The following PLA2G3 variants were observed in gnomAD, a reference collection of about 807,000 sequenced individuals.
The protein encoded by PLA2G3 is phospholipase A2 group III, also known as group 3 secretory phospholipase A2.
Under a neutral mutation model 51.3 loss-of-function variants are expected in PLA2G3, and 39 were observed. That is an observed-to-expected ratio of 0.76 (90% CI 0.59 to 0.99). The LOEUF (loss-of-function observed/expected upper bound fraction) is 0.99, where lower values mean the gene tolerates loss of function less well. PLA2G3 is among the 50% of genes least tolerant of loss of function. PLA2G3 has a pLI of 0.00. For missense variants in PLA2G3, 677 were observed against 662.1 expected (o/e 1.02, Z -0.25); for synonymous variants, 293 against 263.1 (o/e 1.11, Z -1.10).
At position 31,140,113 on chromosome 22, in the gene PLA2G3, G is replaced by A; in HGVS notation, c.242C>T (p.Ala81Val). Residue 81 changes from alanine (A) to valine (V), a missense_variant, in exon 1 of 7, where the codon GCA becomes GTA. Transcript: ENST00000215885. ...CSWEDEPELTAAYGALCAHET... is the reference protein window; with the variant it reads ...CSWEDEPELTVAYGALCAHET... ...ATGAGCACAGAGAGCACCGTAGGCTGCGGTGAGCTCCGGCTCATCCTCCCA... is the reference window on the plus strand; with the variant it reads ...ATGAGCACAGAGAGCACCGTAGGCTACGGTGAGCTCCGGCTCATCCTCCCA... 1 of 1,613,194 alleles carries A rather than the reference G, an allele frequency of 6.2e-7. No individual in the cohort carries two copies. The highest frequency in any genetic ancestry group is 8.5e-7 in the Non-Finnish European group (1 of 1,180,000).
In PLA2G3 at chr22:31,140,433, G is replaced by T; in HGVS notation, c.-79C>A. 1.3e-6 allele frequency: 2 copies of T among 1,494,208 alleles called. No homozygotes were observed. Among genetic ancestry groups the T allele is most frequent in the East Asian group, 2.3e-5 (1 of 43,980 alleles). 92.6% of individuals were successfully genotyped at this position (1,494,208 alleles called of 1,614,324 possible). On this transcript the variant is annotated 5_prime_UTR_variant, in exon 1 of 7. In the 5' UTR this introduces an upstream ATG that the reference lacks. Transcript: ENST00000215885. Reference sequence around the variant, plus strand: ...GGCCCCACCAGGCGGCAGCTGAGCAGTGGAACGGAAGCGGAGCCCAGCAGG... The same window carrying T: ...GGCCCCACCAGGCGGCAGCTGAGCATTGGAACGGAAGCGGAGCCCAGCAGG...
At chr22:31,138,221 T>G (rs1922699703) in intron 3 of PLA2G3, 55 bp downstream of exon 3, 1 of 1,588,462 alleles carries the variant, frequency 6.3e-7, no homozygotes. Flanking sequence ...TCACCAGGCT[T>G]GGAGCCTGGG....
At position 31,135,944 on chromosome 22, in the gene PLA2G3, G is replaced by T; in HGVS notation, c.1317-8C>A. The T allele has an allele frequency of 6.2e-7, 1 of 1,610,028 alleles. No individual in the cohort carries two copies. The highest frequency in any genetic ancestry group is 8.5e-7 in the Non-Finnish European group (1 of 1,177,474). ...CTAGGGTCTCTGGAACAGCTGTAAG[G>T]AGAGAAGAGTGGGGCAGATGATCAG... On this transcript the variant is annotated splice_polypyrimidine_tract_variant and splice_region_variant and intron_variant, in intron 6 of 6. Coordinates refer to ENST00000215885, the MANE Select transcript of PLA2G3 (RefSeq NM_015715.5).
intron 3 of PLA2G3, 124 bp downstream of exon 3, chr22:31,138,152 A>C (rs578238953): frequency 2.3e-4 from 318 of 1,369,202 alleles, no homozygotes; most frequent in Non-Finnish European, 3.0e-4. Context: ...GGCCCTCAGG[A>C]GAGGACATGC....
chr22:31,137,937 T>C lies in PLA2G3; in HGVS notation c.839A>G (p.Asn280Ser), dbSNP rs1602754289. 1 of 1,610,424 alleles carries C rather than the reference T, an allele frequency of 6.2e-7. No homozygotes were observed. Among genetic ancestry groups the C allele is most frequent in the South Asian group, 1.1e-5 (1 of 90,610 alleles). Residue 280 changes from asparagine to serine, a missense_variant, in exon 4 of 7, where the codon AAT becomes AGT. Transcript: ENST00000215885. ...GGTGGCCCGGGAGCTCCAGGAGGCA[T>C]TGTAGAAGGTCCTGGGCTGCAGGCG... is the stretch of plus-strand genomic sequence containing the variant. ...LARLQPRTFY[N>S]ASWSSRATSP...
Position 31,140,408 on chromosome 22 carries a change from G to A in PLA2G3, c.-54C>T. ...AGCCCCTGGGATGCCTGCCCTTGGT[G>A]GCCCCACCAGGCGGCAGCTGAGCAG... On this transcript the variant is annotated 5_prime_UTR_variant, in exon 1 of 7. Transcript: ENST00000215885. 2 of 1,509,976 alleles carry A rather than the reference G, an allele frequency of 1.3e-6. No individual in the cohort carries two copies. Among genetic ancestry groups the A allele is most frequent in the Non-Finnish European group, 1.8e-6 (2 of 1,137,508 alleles). The allele number at this position is 1,509,976 out of a possible 1,614,324, so 93.5% of individuals were successfully genotyped here.
At chr22:31,136,493 A>G (rs1922568898) in intron 6 of PLA2G3, among the ~76,000 whole-genome samples, 190 bp downstream of exon 6, 1 of 152,304 alleles carries the variant, frequency 6.6e-6, no homozygotes, top group African/African-American at 2.4e-5. Flanking sequence ...CAAAGCCAAG[A>G]TGCGACCCAT....
intron 3 of PLA2G3, 111 bp downstream of exon 3, chr22:31,138,165 G>C: frequency 7.0e-7 from 1 of 1,420,864 alleles, no homozygotes; most frequent in South Asian, 1.3e-5. Flanking sequence ...GGACATGCAG[G>C]ATGGGACATC....
At chr22:31,138,148 C>G (rs1922696081) in intron 3 of PLA2G3, 128 bp downstream of exon 3, 1 of 1,369,314 alleles carries the variant, frequency 7.3e-7, no homozygotes, top group Non-Finnish European at 9.9e-7. Flanking sequence ...CCCGGGCCCT[C>G]AGGAGAGGAC....
rs770585037 is a variant in PLA2G3 at position 31,140,054 on chromosome 22, C to T, written c.301G>A (p.Gly101Arg). The T allele has an allele frequency of 1.4e-4, 225 of 1,613,590 alleles. No individual in the cohort carries two copies. In the Admixed American group the frequency reaches 1.4e-3, roughly 10 times the overall value. The part of the protein sequence containing the change: ...TAWGSFIHTP[G>R]PELQRALATL... The stretch of plus-strand genomic sequence containing the variant: ...GCCAGTGCTCTCTGCAGCTCGGGTC[C>T]GGGGGTGTGGATGAAGGAGCCCCAG... The change falls in exon 1 of 7, where the codon GGA becomes AGA. Residue 101 changes from glycine to arginine, a missense_variant. Coordinates refer to ENST00000215885, the MANE Select transcript of PLA2G3 (RefSeq NM_015715.5).
chr22:31,136,664 T>A lies in PLA2G3; in HGVS notation c.1316+19A>T, dbSNP rs760883245. On this transcript the variant is annotated intron_variant, in intron 6 of 6. Transcript: ENST00000215885. The stretch of plus-strand genomic sequence containing the variant: ...CTTTGAGAAAACCCCCCATCCCTCC[T>A]GGCTCTGACATCACTTACTTTTTGC... The A allele has an allele frequency of 6.9e-6, 11 of 1,601,592 alleles. No individual in the cohort carries two copies. The highest frequency in any genetic ancestry group is 1.7e-4 in the Middle Eastern group (1 of 6,058).
Position 31,140,369 on chromosome 22 carries a change from G to T in PLA2G3, c.-15C>A, listed in dbSNP as rs371211554. 176 of 1,558,204 alleles carry T rather than the reference G, an allele frequency of 1.1e-4. No homozygotes were observed. The African/African-American group carries it at 1.9e-3, about 17-fold the overall frequency. The stretch of plus-strand genomic sequence containing the variant: ...TGAACCCCCATTCTGCACTGGCCCA[G>T]TCCAGTCAGACAAAGCCCCTGGGAT... On this transcript the variant is annotated 5_prime_UTR_variant, in exon 1 of 7. In the 5' UTR this introduces an upstream ATG that the reference lacks. Transcript: ENST00000215885.
intron 6 of PLA2G3, among the ~76,000 whole-genome samples, chr22:31,136,140 G>A (rs2147892701): frequency 6.6e-6 from 1 of 152,350 alleles, no homozygotes; most frequent in East Asian, 1.9e-4. Context: ...GCTGGCTGTG[G>A]AAACCTGAGC....
Position 31,136,755 on chromosome 22 carries a change from T to A in PLA2G3, c.1244A>T (p.Asn415Ile). 6.2e-7 allele frequency: 1 copy of A among 1,613,430 alleles called. No homozygotes were observed. Among genetic ancestry groups the A allele is most frequent in the Non-Finnish European group, 8.5e-7 (1 of 1,179,772 alleles). ...TGTGCCCAGCAGCTCCCAAAGCATG[T>A]TGGTAACCTCGGGTGGGCTGTGGAG... Reference protein sequence around the residue: ...LRLHSPPEVTNMLWELLGTTC... With the variant: ...LRLHSPPEVTIMLWELLGTTC... Residue 415 changes from asparagine (N) to isoleucine (I), a missense_variant, in exon 6 of 7, where the codon AAC becomes ATC. Coordinates refer to ENST00000215885, the MANE Select transcript of PLA2G3 (RefSeq NM_015715.5).
intron 3 of PLA2G3, 56 bp from the exon 4 acceptor site, chr22:31,138,049 C>T (rs1922690766): frequency 1.3e-6 from 2 of 1,498,862 alleles, no homozygotes; most frequent in Non-Finnish European, 1.8e-6. Context: ...TCCAGAAGCC[C>T]CCAGGGTCGT....
chr22:31,138,526 G>C, intron 2 of PLA2G3, 116 bp from the exon 3 acceptor site: 2 of 1,502,542 alleles, frequency 1.3e-6, no homozygotes, highest in South Asian at 2.4e-5. Context: ...CCTTCTTTCT[G>C]GCCTCAGCTT....
Position 31,137,149 on chromosome 22 carries a change from G to T in PLA2G3, c.1067-109C>A, listed in dbSNP as rs574675062. The T allele has an allele frequency of 3.8e-4, 434 of 1,130,716 alleles. 2 individuals are homozygous for T. The African/African-American group carries it at 6.5e-3, about 17-fold the overall frequency. 70.0% of individuals were successfully genotyped at this position (1,130,716 alleles called of 1,614,324 possible). A position where few individuals can be genotyped will look rare whatever the true frequency, so the allele number is the denominator to read the frequency against. ...GCACGTGTGCTCAGTCACACACACAGATTCCCTCCATTTCATGCCTTCTGA... is the reference window on the plus strand; with the variant it reads ...GCACGTGTGCTCAGTCACACACACATATTCCCTCCATTTCATGCCTTCTGA... On this transcript the variant is annotated intron_variant, in intron 4 of 6. Transcript: ENST00000215885.
Position 31,135,587 on chromosome 22 carries a change from C to A in PLA2G3, c.*136G>T. 1.4e-6 allele frequency: 1 copy of A among 697,188 alleles called. No individual in the cohort carries two copies. The highest frequency in any genetic ancestry group is 1.7e-5 in the South Asian group (1 of 57,322). The allele number at this position is 697,188 out of a possible 1,614,324, so 43.2% of individuals were successfully genotyped here. On this transcript the variant is annotated 3_prime_UTR_variant, in exon 7 of 7. Transcript: ENST00000215885. ...CAGCATTTGGGCCTTGAGATCCCCC[C>A]ATTCATCCTCTTGATTGTCCACAAC...
intron 1 of PLA2G3, 81 bp downstream of exon 1, chr22:31,139,760 C>T: frequency 1.0e-6 from 1 of 959,492 alleles, no homozygotes; most frequent in Non-Finnish European, 1.6e-6. Context: ...GGACACACAG[C>T]CTAGGAGAGT....
Sources: allele counts gnomAD v4.1 joint callset (sites outside exome capture counted in the v4.1 genomes callset), GRCh38; gene constraint gnomAD v4.1.1; transcripts MANE v1.5; gene names NCBI Gene and HGNC (gene_info 2026-07-23, HGNC 2026-07-21).